The following EXTL2 variants were observed in gnomAD, a reference collection of about 807,000 sequenced individuals.
EXTL2 encodes the protein exostosin-like 2.
EXTL2 carries 23 observed loss-of-function variants against 30.7 expected under a neutral mutation model. The ratio of observed to expected loss-of-function variants is 0.75; its 90% confidence interval spans 0.54 to 1.06. EXTL2 has a LOEUF of 1.06. Ranked by LOEUF, EXTL2 falls within the 50% of genes least tolerant of loss-of-function variation. EXTL2 has a pLI of 0.00. For synonymous variants in EXTL2, 123 were observed against 133.8 expected (o/e 0.92, Z 0.56); for missense variants, 352 against 396.3 (o/e 0.89, Z 0.95).
At chr1:100,881,090 G>C in intron 2 of EXTL2, 3 of 924,154 alleles carry the variant, frequency 3.2e-6, no homozygotes, top group Non-Finnish European at 3.9e-6. Context: ...AATAATTTAT[G>C]TCTTTAGAAA....
Position 100,874,193 on chromosome 1 carries a change from T to A in EXTL2, c.742A>T (p.Met248Leu), listed in dbSNP as rs752406560. 1 of 1,613,026 alleles carries A rather than the reference T, an allele frequency of 6.2e-7. No homozygotes were observed. The highest frequency in any genetic ancestry group is 8.5e-7 in the Non-Finnish European group (1 of 1,179,470). ...DDTQNCDDIA[M>L]NFIIAKHIGK... ...ATATGCTTGGCAATGATAAAATTCA[T>A]GGCAATATCATCACAGTTTTGAGTA... The change falls in exon 5 of 5, where the codon ATG (methionine) becomes TTG (leucine). Residue 248 changes from methionine (M) to leucine (L), a missense_variant. Physicochemically the swap from Met to Leu is conservative, Grantham distance 15. Coordinates refer to ENST00000370114, the MANE Select transcript of EXTL2 (RefSeq NM_001033025.3).
In EXTL2 at chr1:100,878,641, T is replaced by C. The variant is rs371625428; in HGVS notation, c.6-738A>G. Among the ~76,000 whole-genome samples, 17 of 152,230 alleles carry C rather than the reference T, an allele frequency of 1.1e-4. No individual in the cohort carries two copies. In the South Asian group the frequency reaches 1.7e-3, roughly 15 times the overall value. On this transcript the variant is annotated intron_variant, in intron 2 of 4. Transcript: ENST00000370114. Reference sequence around the variant, plus strand: ...GATTATGTGGGACCTCTGACCCTCATTAGAGTCTGGATTTTACTATACGCC... The same window carrying C: ...GATTATGTGGGACCTCTGACCCTCACTAGAGTCTGGATTTTACTATACGCC...
chr1:100,894,463 TTTAA>T (rs1270604236), intron 1 of EXTL2, among the ~76,000 whole-genome samples, 166 bp downstream of exon 1: 1 of 152,194 alleles, frequency 6.6e-6, no homozygotes, highest in Non-Finnish European at 1.5e-5. Flanking sequence ...ACACAGCAGT[TTTAA>T]TTAACATTTT....
rs1470559902 is a variant in EXTL2 at position 100,894,693 on chromosome 1, T to A, written c.-132A>T. ...TTATTTCCCTGCAGCTTAGTTATCA[T>A]AAAACGGAAGGGGCGTCTCGTTTGC... On this transcript the variant is annotated 5_prime_UTR_variant, in exon 1 of 5. An upstream start codon of the reference 5' UTR is lost. Coordinates refer to ENST00000370114, the MANE Select transcript of EXTL2 (RefSeq NM_001033025.3). 3 of 152,304 alleles carry A rather than the reference T, an allele frequency of 2.0e-5. No homozygotes were observed. The highest frequency in any genetic ancestry group is 7.2e-5 in the African/African-American group (3 of 41,552). 9.4% of individuals were successfully genotyped at this position (152,304 alleles called of 1,614,324 possible).
At chr1:100,889,157 C>T (rs973472224) in intron 1 of EXTL2, among the ~76,000 whole-genome samples, 2 of 152,172 alleles carry the variant, frequency 1.3e-5, no homozygotes, top group Admixed American at 6.5e-5. Context: ...TTCCACATGG[C>T]TAGGGAGGCC....
rs975040137 is a variant in EXTL2 at position 100,873,235 on chromosome 1, C to A, written c.*707G>T. Reference sequence around the variant, plus strand: ...TTTACTCCTTGCTGCATATAAGTGGCGTGTAAGAAATACAGGGTATATTGT... The same window carrying A: ...TTTACTCCTTGCTGCATATAAGTGGAGTGTAAGAAATACAGGGTATATTGT... On this transcript the variant is annotated 3_prime_UTR_variant, in exon 5 of 5. Transcript: ENST00000370114. 4 of 151,908 alleles carry A rather than the reference C, an allele frequency of 2.6e-5. No individual in the cohort carries two copies. Among genetic ancestry groups the A allele is most frequent in the Admixed American group, 2.6e-4 (4 of 15,234 alleles). 9.4% of individuals were successfully genotyped at this position (151,908 alleles called of 1,614,324 possible). A position where few individuals can be genotyped will look rare whatever the true frequency, so the allele number is the denominator to read the frequency against.
intron 2 of EXTL2, among the ~76,000 whole-genome samples, chr1:100,880,373 G>A (rs182552950): frequency 4.6e-5 from 7 of 152,196 alleles, no homozygotes; most frequent in Non-Finnish European, 8.8e-5. Flanking sequence ...GATTTCAAGG[G>A]TATCTCTCCT....
At chr1:100,880,568 T>C (rs1348421935) in intron 2 of EXTL2, among the ~76,000 whole-genome samples, 1 of 152,214 alleles carries the variant, frequency 6.6e-6, no homozygotes, top group Non-Finnish European at 1.5e-5. Context: ...ATCTACCCTC[T>C]TACTAAAACA....
Position 100,877,088 on chromosome 1 carries a change from C to G in EXTL2, c.434-224G>C, listed in dbSNP as rs995776552. 6.6e-6 allele frequency among the ~76,000 whole-genome samples: 1 copy of G among 151,948 alleles called. No individual in the cohort carries two copies. The highest frequency in any genetic ancestry group is 1.5e-5 in the Non-Finnish European group (1 of 67,978). Reference sequence around the variant, plus strand: ...GGGAAAATAATCAAGCAGTTATTATCCATCATCCTAGAAACTATTGGGCCT... The same window carrying G: ...GGGAAAATAATCAAGCAGTTATTATGCATCATCCTAGAAACTATTGGGCCT... On this transcript the variant is annotated intron_variant, in intron 3 of 4. Transcript: ENST00000370114. The surrounding 1 kb of genome is among the most constrained non-coding windows in gnomAD (Gnocchi z 4.1).
At chr1:100,884,553 T>A (rs1392626890) in intron 2 of EXTL2, among the ~76,000 whole-genome samples, 1 of 152,196 alleles carries the variant, frequency 6.6e-6, no homozygotes. Flanking sequence ...CAAAGGCGCA[T>A]GTGGTGCCAA....
intron 2 of EXTL2, chr1:100,885,577 G>A (rs1441874535): frequency 6.6e-6 from 1 of 152,138 alleles, no homozygotes; most frequent in Non-Finnish European, 1.5e-5. Context: ...TATTGCCCAT[G>A]GTAAGCTTCT....
At chr1:100,886,498 T>C (rs531027147) in intron 2 of EXTL2, among the ~76,000 whole-genome samples, 1 of 152,310 alleles carries the variant, frequency 6.6e-6, no homozygotes, top group African/African-American at 2.4e-5. Context: ...GTGTTTCTAT[T>C]TCCCTCCTCA....
chr1:100,889,302 G>T (rs190239272), intron 1 of EXTL2, among the ~76,000 whole-genome samples: 2 of 152,300 alleles, frequency 1.3e-5, no homozygotes, highest in East Asian at 3.9e-4. Flanking sequence ...CACAAGAACA[G>T]CATGGGAGAA....
intron 1 of EXTL2, among the ~76,000 whole-genome samples, chr1:100,889,375 G>A (rs895430072): frequency 6.6e-6 from 1 of 152,154 alleles, no homozygotes; most frequent in Non-Finnish European, 1.5e-5. Flanking sequence ...GGATTATGGG[G>A]ATTACAATTC....
intron 4 of EXTL2, 55 bp from the exon 5 acceptor site, chr1:100,874,485 G>C: frequency 7.4e-7 from 1 of 1,347,556 alleles, no homozygotes; most frequent in Non-Finnish European, 1.0e-6. Context: ...AGAAGACATA[G>C]TGAAAAAGGC....
chr1:100,885,456 G>C (rs943102304), intron 2 of EXTL2: 1 of 152,040 alleles, frequency 6.6e-6, no homozygotes, highest in Non-Finnish European at 1.5e-5. Flanking sequence ...CCTCTTACTT[G>C]GTTGAGAAAA....
In EXTL2 at chr1:100,877,328, T is replaced by G. The variant is rs867950593; in HGVS notation, c.433+148A>C. ...AACCACTTCTTGACATCTTGGAAAT[T>G]GTCCCTCAAGCTTTCCAAAGTGCTT... On this transcript the variant is annotated intron_variant, in intron 3 of 4. Transcript: ENST00000370114. The surrounding 1 kb of genome is among the most constrained non-coding windows in gnomAD (Gnocchi z 4.1). 9 of 636,662 alleles carry G rather than the reference T, an allele frequency of 1.4e-5. No individual in the cohort carries two copies. The highest frequency in any genetic ancestry group is 4.3e-4 in the Middle Eastern group (1 of 2,322). 39.4% of individuals were successfully genotyped at this position (636,662 alleles called of 1,614,324 possible). A position where few individuals can be genotyped will look rare whatever the true frequency, so the allele number is the denominator to read the frequency against.
intron 2 of EXTL2, among the ~76,000 whole-genome samples, chr1:100,878,643 A>C (rs1242445694): frequency 6.6e-6 from 1 of 152,156 alleles, no homozygotes; most frequent in Non-Finnish European, 1.5e-5. Context: ...GACCCTCATT[A>C]GAGTCTGGAT....
intron 2 of EXTL2, among the ~76,000 whole-genome samples, chr1:100,883,548 C>T (rs1241939359): frequency 6.6e-6 from 1 of 152,116 alleles, no homozygotes; most frequent in Non-Finnish European, 1.5e-5. Flanking sequence ...GAGGTTCATC[C>T]ATGCTGTATA....
Sources: gnomAD v4.1 joint callset for allele counts (sites outside exome capture counted in the v4.1 genomes callset) on GRCh38, gnomAD v4.1.1 for gene constraint, Gnocchi (gnomAD v3.1) non-coding constraint, MANE v1.5 for transcripts, NCBI Gene and HGNC (gene_info 2026-07-23, HGNC 2026-07-21) for gene names.